PARP11: variants seen among roughly 807,000 people sequenced by gnomAD.
PARP11 encodes the protein poly(ADP-ribose) polymerase family member 11, also known as protein mono-ADP-ribosyltransferase PARP11.
In PARP11, 31 loss-of-function variants were observed where a neutral mutation model predicts 42.9. The ratio of observed to expected loss-of-function variants is 0.72; its 90% confidence interval spans 0.54 to 0.98. PARP11 has a LOEUF of 0.98. Among genes scored for constraint, PARP11 ranks in the 50% least tolerant of loss-of-function variants. PARP11 has a pLI of 0.00. For synonymous variants in PARP11, 137 were observed against 127.3 expected (o/e 1.08, Z -0.51); for missense variants, 365 against 413.1 (o/e 0.88, Z 1.01).
chr12:3,866,349 T>C (rs1241409883), intron 1 of PARP11, among the ~76,000 whole-genome samples: 1 of 152,166 alleles, frequency 6.6e-6, no homozygotes, highest in Non-Finnish European at 1.5e-5. Flanking sequence ...TTGTAACTTT[T>C]AGAGTTTCTC....
intron 1 of PARP11, among the ~76,000 whole-genome samples, chr12:3,843,006 C>A (rs1253554036): frequency 6.6e-6 from 1 of 152,150 alleles, no homozygotes; most frequent in East Asian, 1.9e-4. Context: ...TGGGCTCAGA[C>A]AATTCTCAGC....
chr12:3,828,544 C>CAAAAAAAAAAAAAAA (rs543241542), intron 3 of PARP11, among the ~76,000 whole-genome samples: 1 of 75,936 alleles, frequency 1.3e-5, no homozygotes, highest in Non-Finnish European at 2.9e-5. Flanking sequence ...TGAGACGTCT[C>CAAAAAAAAAAAAAAA]AAAAAAAAAA....
intron 1 of PARP11, among the ~76,000 whole-genome samples, chr12:3,866,757 T>G (rs10459122): frequency 0.018 from 2,804 of 152,274 alleles, 125 homozygotes; most frequent in East Asian, 0.15. Flanking sequence ...AGGTAAAAAT[T>G]CTTGATACTG....
At chr12:3,827,603 G>T (rs992560675) in intron 3 of PARP11, among the ~76,000 whole-genome samples, 1 of 151,322 alleles carries the variant, frequency 6.6e-6, no homozygotes, top group Non-Finnish European at 1.5e-5. Flanking sequence ...TTGCCTAATG[G>T]CATTAAAAAA....
At chr12:3,813,101 G>A (rs375731617) in intron 7 of PARP11, among the ~76,000 whole-genome samples, 4 of 152,054 alleles carry the variant, frequency 2.6e-5, no homozygotes, top group African/African-American at 4.8e-5. Flanking sequence ...CACCATGCCC[G>A]GCCCTGAGTT....
At chr12:3,872,538 C>A in intron 1 of PARP11, 1 of 985,418 alleles carries the variant, frequency 1.0e-6, no homozygotes, top group South Asian at 4.7e-5. Context: ...AGAAGGCAGA[C>A]TTGCAGTTGA....
At chr12:3,831,700 G>T (rs1947642884) in intron 1 of PARP11, among the ~76,000 whole-genome samples, 1 of 151,936 alleles carries the variant, frequency 6.6e-6, no homozygotes. Flanking sequence ...TTTAAATTTG[G>T]TTGGCTTCTA....
intron 1 of PARP11, among the ~76,000 whole-genome samples, chr12:3,855,354 C>A (rs1477683230): frequency 6.6e-6 from 1 of 152,168 alleles, no homozygotes; most frequent in Non-Finnish European, 1.5e-5. Flanking sequence ...TCCCTGTTTG[C>A]AGATGACATG....
chr12:3,873,351 G>A lies in PARP11; in HGVS notation c.-122C>T, dbSNP rs1436084341. 8.9e-6 allele frequency: 8 copies of A among 894,302 alleles called. No homozygotes were observed. The East Asian group carries it at 1.1e-4, about 12-fold the overall frequency. 55.4% of individuals were successfully genotyped at this position (894,302 alleles called of 1,614,324 possible). ...GAAGGGACGGAGATGCAACCTTTAC[G>A]AAGGCCTTCCTCCTCCCCCTCCCTG... On this transcript the variant is annotated 5_prime_UTR_variant, in exon 1 of 8. Transcript: ENST00000228820.
chr12:3,865,067 T>C (rs1347839557), intron 1 of PARP11, among the ~76,000 whole-genome samples: 1 of 152,202 alleles, frequency 6.6e-6, no homozygotes, highest in Non-Finnish European at 1.5e-5. Context: ...AAATTTGATA[T>C]GTTGTTTTCA....
intron 4 of PARP11, among the ~76,000 whole-genome samples, chr12:3,823,180 GA>G (rs1186369511): frequency 3.3e-5 from 5 of 152,060 alleles, no homozygotes; most frequent in South Asian, 2.1e-4. Flanking sequence ...TTATTTTAAT[GA>G]AAAAAATCAA....
chr12:3,851,508 T>C (rs912629981), intron 1 of PARP11, among the ~76,000 whole-genome samples: 1 of 152,222 alleles, frequency 6.6e-6, no homozygotes, highest in Non-Finnish European at 1.5e-5. Context: ...TGCTCACTGC[T>C]AGCGCAGCAG....
At chr12:3,824,678 T>G (rs1377626679) in intron 4 of PARP11, 1 of 967,542 alleles carries the variant, frequency 1.0e-6, no homozygotes, top group Non-Finnish European at 1.2e-6. Flanking sequence ...TTGTACAGTC[T>G]GTGACAGAAC....
At position 3,812,064 on chromosome 12, in the gene PARP11, G is replaced by A. The variant is rs186432451; in HGVS notation, c.*59C>T. 10 of 1,324,452 alleles carry A rather than the reference G, an allele frequency of 7.6e-6. No homozygotes were observed. The highest frequency in any genetic ancestry group is 1.9e-4 in the Middle Eastern group (1 of 5,252). The allele number at this position is 1,324,452 out of a possible 1,614,324, so 82.0% of individuals were successfully genotyped here. ...CATTTAGTGGCTAGATGACTGAAGA[G>A]CAAACCTTCCTGCAAAAAAGAATAA... On this transcript the variant is annotated 3_prime_UTR_variant, in exon 8 of 8. Coordinates refer to ENST00000228820, the MANE Select transcript of PARP11 (RefSeq NM_020367.6).
Position 3,822,161 on chromosome 12 carries a change from G to T in PARP11, c.345-4C>A. 6.2e-7 allele frequency: 1 copy of T among 1,611,036 alleles called. No individual in the cohort carries two copies. Among genetic ancestry groups the T allele is most frequent in the Non-Finnish European group, 8.5e-7 (1 of 1,177,638 alleles). ...GGCCTCGTTTTCACAGATGTAACTT[G>T]AAACAGCAAAAGAGAAAACAAAATA... On this transcript the variant is annotated splice_region_variant and splice_polypyrimidine_tract_variant and intron_variant, in intron 4 of 7. Transcript: ENST00000228820.
At chr12:3,854,198 C>T (rs372310978) in intron 1 of PARP11, among the ~76,000 whole-genome samples, 2 of 151,996 alleles carry the variant, frequency 1.3e-5, no homozygotes, top group South Asian at 2.1e-4. Flanking sequence ...GATCTAAAAT[C>T]GACACCCTAA....
At chr12:3,813,956 T>G in intron 7 of PARP11, 81 bp downstream of exon 7, 1 of 1,072,490 alleles carries the variant, frequency 9.3e-7, no homozygotes, top group Non-Finnish European at 1.3e-6. Flanking sequence ...CATAAAGCAG[T>G]TCATATTTAT....
Position 3,822,792 on chromosome 12 carries a change from T to TA in PARP11, c.345-636dup, listed in dbSNP as rs1358341643. 2.6e-5 allele frequency among the ~76,000 whole-genome samples: 4 copies of TA among 152,166 alleles called. No individual in the cohort carries two copies. The East Asian group carries it at 7.7e-4, about 29-fold the overall frequency. ...TAAAGAAGATTTTAGGCAAAGAAAT[T>TA]AAAAACAAAATCAAGCTCCTGATGA... On this transcript the variant is annotated intron_variant, in intron 4 of 7. Coordinates refer to ENST00000228820, the MANE Select transcript of PARP11 (RefSeq NM_020367.6).
intron 7 of PARP11, among the ~76,000 whole-genome samples, chr12:3,812,923 C>T (rs1326745013): frequency 6.6e-6 from 1 of 152,160 alleles, no homozygotes; most frequent in Non-Finnish European, 1.5e-5. Flanking sequence ...CTCCCTCAGC[C>T]TCCTGAGTAG....
Sources: allele counts gnomAD v4.1 joint callset (sites outside exome capture counted in the v4.1 genomes callset), GRCh38; gene constraint gnomAD v4.1.1; transcripts MANE v1.5; gene names NCBI Gene and HGNC (gene_info 2026-07-23, HGNC 2026-07-21).